Variants in ENTREP2 observed in about 807,000 individuals in gnomAD.
ENTREP2 encodes the protein endosomal transmembrane epsin interactor 2.
the ENTREP2 span, among the ~76,000 whole-genome samples, chr15:29,212,045 G>A: frequency 1.3e-5 from 2 of 152,128 alleles, no homozygotes; most frequent in Admixed American, 6.5e-5. Context: ...AGTTTCAAAA[G>A]GATTGGTACC....
chr15:29,137,537 T>C, the ENTREP2 span, among the ~76,000 whole-genome samples: 2 of 152,296 alleles, frequency 1.3e-5, no homozygotes, highest in East Asian at 3.9e-4. Flanking sequence ...ACGTGCGTGG[T>C]TTAAGACGGC....
At chr15:29,194,582 C>A in the ENTREP2 span, among the ~76,000 whole-genome samples, 2 of 152,244 alleles carry the variant, frequency 1.3e-5, no homozygotes, top group Non-Finnish European at 2.9e-5. Context: ...TTCTTGACTT[C>A]AGTGGCCTTT....
chr15:29,154,726 C>T, the ENTREP2 span, among the ~76,000 whole-genome samples: 1 of 152,168 alleles, frequency 6.6e-6, no homozygotes, highest in African/African-American at 2.4e-5. Flanking sequence ...CCTCAGGGCT[C>T]GTTCATGTAT....
At chr15:29,433,785 A>AGG in the ENTREP2 span, among the ~76,000 whole-genome samples, 2,857 of 149,122 alleles carry the variant, frequency 0.019, 103 homozygotes, top group African/African-American at 0.067. Context: ...CCATGGGAAA[A>AGG]AAAAAAAAAA....
At chr15:29,230,083 C>A in the ENTREP2 span, among the ~76,000 whole-genome samples, 1 of 152,190 alleles carries the variant, frequency 6.6e-6, no homozygotes, top group South Asian at 2.1e-4. Context: ...TACTCTCATT[C>A]ATTTCTAACT....
the ENTREP2 span, chr15:29,136,336 A>G: frequency 1.4e-6 from 2 of 1,470,964 alleles, no homozygotes; most frequent in Non-Finnish European, 1.8e-6. Context: ...TCCCACGGGA[A>G]CTGGCTTTGT....
the ENTREP2 span, chr15:29,264,953 T>C: frequency 1.3e-5 from 2 of 152,202 alleles, no homozygotes. Flanking sequence ...GAAAACTGTA[T>C]GTTATTACAC....
the ENTREP2 span, among the ~76,000 whole-genome samples, chr15:29,438,269 G>A: frequency 0.21 from 31,339 of 152,132 alleles, 3,930 homozygotes; most frequent in Middle Eastern, 0.41. Flanking sequence ...ACAAATGACC[G>A]CTTTACAAAG....
At chr15:29,608,439 T>C in the ENTREP2 span, among the ~76,000 whole-genome samples, 1 of 151,968 alleles carries the variant, frequency 6.6e-6, no homozygotes, top group African/African-American at 2.4e-5. Context: ...CGCTTTCTCC[T>C]GAGTGTGGAG....
chr15:29,267,356 G>A, the ENTREP2 span: 1 of 152,174 alleles, frequency 6.6e-6, no homozygotes, highest in East Asian at 1.9e-4. Flanking sequence ...TACACGTAAT[G>A]GAGGAACACA....
At chr15:29,226,688 C>T in the ENTREP2 span, among the ~76,000 whole-genome samples, 664 of 152,296 alleles carry the variant, frequency 4.4e-3, 4 homozygotes, top group South Asian at 7.9e-3. Flanking sequence ...ACCCTGGCGA[C>T]ATAATTGGTG....
chr15:29,568,022 G>A, the ENTREP2 span, among the ~76,000 whole-genome samples: 1 of 152,124 alleles, frequency 6.6e-6, no homozygotes. Flanking sequence ...AATCTCAGAG[G>A]GCAGGCATAT....
the ENTREP2 span, among the ~76,000 whole-genome samples, chr15:29,470,522 T>C: frequency 6.6e-6 from 1 of 152,186 alleles, no homozygotes; most frequent in Non-Finnish European, 1.5e-5. Context: ...CCAGGGCCCA[T>C]CCTTCACCGC....
chr15:29,394,868 A>G, the ENTREP2 span, among the ~76,000 whole-genome samples: 1 of 137,586 alleles, frequency 7.3e-6, no homozygotes, highest in Non-Finnish European at 1.5e-5. Flanking sequence ...CATATGTAGC[A>G]TGTGTCAGAA....
the ENTREP2 span, among the ~76,000 whole-genome samples, chr15:29,214,680 A>C: frequency 1.4e-5 from 2 of 138,498 alleles, no homozygotes; most frequent in Non-Finnish European, 3.1e-5. Flanking sequence ...TAGAACTTAA[A>C]GTATAATAAT....
the ENTREP2 span, among the ~76,000 whole-genome samples, chr15:29,630,934 G>A: frequency 1.3e-5 from 2 of 152,104 alleles, no homozygotes; most frequent in Non-Finnish European, 2.9e-5. Context: ...CCCCCGCCTC[G>A]GCCTCTCAAA....
chr15:29,269,955 G>A, the ENTREP2 span: 4 of 449,982 alleles, frequency 8.9e-6, no homozygotes, highest in Non-Finnish European at 1.5e-5. Flanking sequence ...TTTTAGTATA[G>A]TGAAGTGTTG....
the ENTREP2 span, among the ~76,000 whole-genome samples, chr15:29,391,742 T>C: frequency 6.6e-6 from 1 of 152,246 alleles, no homozygotes; most frequent in Non-Finnish European, 1.5e-5. Flanking sequence ...CATATATTAT[T>C]ATAATACATT....
At chr15:29,134,390 C>T in the ENTREP2 span, among the ~76,000 whole-genome samples, 1 of 152,160 alleles carries the variant, frequency 6.6e-6, no homozygotes, top group East Asian at 1.9e-4. Context: ...GCTCAGGGGG[C>T]CACTGTCTGC....
Sources: allele counts gnomAD v4.1 joint callset (sites outside exome capture counted in the v4.1 genomes callset), GRCh38; gene constraint gnomAD v4.1.1; transcripts MANE v1.5; gene names NCBI Gene and HGNC (gene_info 2026-07-23, HGNC 2026-07-21).